The following RAP1GAP variants were observed in gnomAD, a reference collection of about 807,000 sequenced individuals.
The protein encoded by RAP1GAP is RAP1 GTPase activating protein.
Under a neutral mutation model 87.2 loss-of-function variants are expected in RAP1GAP, and 35 were observed. That is an observed-to-expected ratio of 0.40 (90% CI 0.31 to 0.53). The LOEUF is 0.53. Among genes scored for constraint, RAP1GAP ranks in the 20% least tolerant of loss-of-function variants. The pLI is 0.48. For missense variants in RAP1GAP, 734 were observed against 898.9 expected (o/e 0.82, Z 2.35); for synonymous variants, 375 against 363.9 (o/e 1.03, Z -0.35).
At position 21,606,692 on chromosome 1, in the gene RAP1GAP, C is replaced by T. The variant is rs190371114; in HGVS notation, c.1297-495G>A. 2.0e-5 allele frequency among the ~76,000 whole-genome samples: 3 copies of T among 152,194 alleles called. No homozygotes were observed. In the East Asian group the frequency reaches 5.8e-4, roughly 29 times the overall value. On this transcript the variant is annotated intron_variant, in intron 17 of 24. Coordinates refer to ENST00000374765, the MANE Select transcript of RAP1GAP (RefSeq NM_002885.4). ...ACCCTCTTTCCTTGTTTTTTTCAGA[C>T]CAATCTACACCAAATGCTTGCTATG... is the stretch of plus-strand genomic sequence containing the variant.
chr1:21,606,470 G>A (rs1407263950), intron 17 of RAP1GAP, among the ~76,000 whole-genome samples: 1 of 152,178 alleles, frequency 6.6e-6, no homozygotes, highest in African/African-American at 2.4e-5. Flanking sequence ...GTGGCCTTGG[G>A]GACACCACTT....
At chr1:21,646,677 T>G (rs1286719538) in intron 2 of RAP1GAP, among the ~76,000 whole-genome samples, 1 of 152,230 alleles carries the variant, frequency 6.6e-6, no homozygotes, top group Non-Finnish European at 1.5e-5. Flanking sequence ...CAAGTCCACT[T>G]GACCATTCCT....
intron 7 of RAP1GAP, among the ~76,000 whole-genome samples, chr1:21,616,106 C>T (rs1336119877): frequency 2.0e-5 from 3 of 150,042 alleles, no homozygotes; most frequent in Admixed American, 6.6e-5. Context: ...ACACATCTTC[C>T]GAACCCCCAA....
chr1:21,652,205 C>A (rs893236172), intron 1 of RAP1GAP, among the ~76,000 whole-genome samples: 1 of 151,642 alleles, frequency 6.6e-6, no homozygotes. Flanking sequence ...TCGGCGGATC[C>A]GTCCCCATCA....
At chr1:21,618,889 C>T (rs1373677201) in intron 5 of RAP1GAP, 136 bp downstream of exon 5, 2 of 1,026,848 alleles carry the variant, frequency 1.9e-6, no homozygotes, top group South Asian at 1.5e-5. Flanking sequence ...GCCTCCCCCC[C>T]TACCCCCGCA....
At chr1:21,620,870 TCC>T (rs2086803006) in intron 3 of RAP1GAP, among the ~76,000 whole-genome samples, 1 of 151,852 alleles carries the variant, frequency 6.6e-6, no homozygotes, top group Non-Finnish European at 1.5e-5. Flanking sequence ...TCTCTCTCTC[TCC>T]ATCTTTCTCC....
At chr1:21,659,415 C>A (rs1347612791) in intron 1 of RAP1GAP, among the ~76,000 whole-genome samples, 1 of 152,208 alleles carries the variant, frequency 6.6e-6, no homozygotes, top group Non-Finnish European at 1.5e-5. Flanking sequence ...CGCCACCCCC[C>A]GCACTTCCTC....
intron 2 of RAP1GAP, among the ~76,000 whole-genome samples, chr1:21,633,386 A>AC (rs539753378): frequency 3.5e-3 from 525 of 151,700 alleles, no homozygotes; most frequent in Middle Eastern, 6.9e-3. Context: ...GTTCACAGGC[A>AC]CCCCCCCTCT....
intron 10 of RAP1GAP, among the ~76,000 whole-genome samples, chr1:21,612,725 C>G (rs1054214009): frequency 1.3e-5 from 2 of 152,212 alleles, no homozygotes; most frequent in South Asian, 2.1e-4. Flanking sequence ...GGCAGAAGCC[C>G]GTGCCCCTAT....
chr1:21,598,041 C>T lies in RAP1GAP; in HGVS notation c.1903G>A (p.Asp635Asn), dbSNP rs1646200147. 1 of 1,551,430 alleles carries T rather than the reference C, an allele frequency of 6.4e-7. No homozygotes were observed. The highest frequency in any genetic ancestry group is 1.4e-5 in the African/African-American group (1 of 73,592). The change falls in exon 23 of 25, where the codon GAC becomes AAC. Residue 635 changes from aspartate to asparagine, a missense_variant. By Grantham distance (23) the Asp-to-Asn change is conservative. Transcript: ENST00000374765. Reference protein sequence around the residue: ...SPGPSRSPHPDAGKLGDPACP... With the variant: ...SPGPSRSPHPNAGKLGDPACP... The stretch of plus-strand genomic sequence containing the variant: ...GCAGGGTCCCCCAACTTGCCGGCGT[C>T]TGGGTGGGGTGATCGAGAGGGGCCT...
At chr1:21,641,827 C>T (rs1170374921) in intron 2 of RAP1GAP, among the ~76,000 whole-genome samples, 2 of 152,206 alleles carry the variant, frequency 1.3e-5, no homozygotes, top group Non-Finnish European at 2.9e-5. Flanking sequence ...CAGAGTGTAT[C>T]ACAGCCAACC....
chr1:21,651,181 C>A (rs750283505), intron 1 of RAP1GAP, among the ~76,000 whole-genome samples: 12 of 152,232 alleles, frequency 7.9e-5, no homozygotes, highest in South Asian at 6.2e-4. Flanking sequence ...GGCCTCCAAG[C>A]CCAGGCAGCC....
rs142966130 is a variant in RAP1GAP, at chr1:21,610,243, G to A, written c.876C>T (p.Ile292=). 4.1e-5 allele frequency: 66 copies of A among 1,614,118 alleles called. 1 individual carries two copies. In the East Asian group the frequency reaches 1.3e-3, roughly 32 times the overall value. Residue 292 remains isoleucine (I), a synonymous_variant, in exon 14 of 25, where the codon ATC becomes ATT. Transcript: ENST00000374765. ...LQRKRHIGND[I]VAVVFQDENT... ...TCTCATCCTGGAAGACCACAGCCAC[G>A]ATGTCGTTCCCGATGTGCCGCTTCC...
intron 2 of RAP1GAP, among the ~76,000 whole-genome samples, chr1:21,640,829 G>A (rs1277211137): frequency 6.6e-6 from 1 of 152,146 alleles, no homozygotes; most frequent in Non-Finnish European, 1.5e-5. Flanking sequence ...CAGCTCACTT[G>A]AGACTCAAGC....
chr1:21,665,785 C>A (rs948934689), intron 1 of RAP1GAP, among the ~76,000 whole-genome samples: 3 of 152,206 alleles, frequency 2.0e-5, no homozygotes, highest in African/African-American at 7.2e-5. Flanking sequence ...GGGTGGCCGC[C>A]CCAAGAAGCC....
At chr1:21,631,825 T>C (rs916727930) in intron 2 of RAP1GAP, among the ~76,000 whole-genome samples, 1 of 152,162 alleles carries the variant, frequency 6.6e-6, no homozygotes, top group Non-Finnish European at 1.5e-5. Context: ...AGGGCTGAGA[T>C]GTGACTCCAG....
intron 2 of RAP1GAP, among the ~76,000 whole-genome samples, chr1:21,644,074 A>G (rs1228763456): frequency 1.3e-5 from 2 of 152,180 alleles, no homozygotes; most frequent in African/African-American, 4.8e-5. Flanking sequence ...TCTCAAGATC[A>G]CACAGCCAAA....
intron 20 of RAP1GAP, among the ~76,000 whole-genome samples, chr1:21,600,657 C>T (rs2067409077): frequency 6.6e-6 from 1 of 152,078 alleles, no homozygotes; most frequent in African/African-American, 2.4e-5. Context: ...GAGGCTGAGG[C>T]GGGCGGATCA....
chr1:21,617,626 G>T (rs1367022887), intron 6 of RAP1GAP, 135 bp from the exon 7 acceptor site: 102 of 1,090,228 alleles, frequency 9.4e-5, no homozygotes, highest in Non-Finnish European at 1.2e-4. Context: ...GCCTGTGTGG[G>T]CCCCAGGGTT....
Sources: gnomAD v4.1 joint callset for allele counts (sites outside exome capture counted in the v4.1 genomes callset) on GRCh38, gnomAD v4.1.1 for gene constraint, MANE v1.5 for transcripts, NCBI Gene and HGNC (gene_info 2026-07-23, HGNC 2026-07-21) for gene names.